The following DSC3 variants were observed in gnomAD, a reference collection of about 807,000 sequenced individuals.
DSC3 encodes the protein desmocollin-3.
A neutral mutation model predicts 89.5 loss-of-function variants in DSC3; 97 were observed. The observed-to-expected ratio is 1.08, with a 90% CI of 0.92 to 1.28. The LOEUF (loss-of-function observed/expected upper bound fraction) is 1.28. Ranked by LOEUF, DSC3 falls within the 50% of genes most tolerant of loss-of-function variation. The pLI, the probability that DSC3 is intolerant of heterozygous loss-of-function variation, is 0.00. For synonymous variants in DSC3, 436 were observed against 384.1 expected (o/e 1.14, Z -1.58); for missense variants, 1,199 against 1,085.3 (o/e 1.10, Z -1.47).
At chr18:31,020,670 C>A (rs1366569117) in intron 7 of DSC3, among the ~76,000 whole-genome samples, 1 of 151,990 alleles carries the variant, frequency 6.6e-6, no homozygotes, top group Admixed American at 6.6e-5. Context: ...TAGTCAGGTG[C>A]CATGGCTCAT....
intron 1 of DSC3, 142 bp from the exon 2 acceptor site, chr18:31,032,418 A>G (rs1358951477): frequency 7.3e-6 from 5 of 685,630 alleles, no homozygotes; most frequent in South Asian, 3.5e-5. Flanking sequence ...ATAGAAAGGA[A>G]TTTGCTCAAT....
rs1984379500 is a variant in DSC3, at chr18:30,994,292, T to C, written c.2574A>G (p.Gly858=). 1 of 1,614,020 alleles carries C rather than the reference T, an allele frequency of 6.2e-7. No individual in the cohort carries two copies. Among genetic ancestry groups the C allele is most frequent in the Admixed American group, 1.7e-5 (1 of 60,006 alleles). ...YVLTYNYEGR[G]SPAGSVGCCS... is the part of the protein sequence containing the mutation. ...AGCAGCCCACAGAACCAGCTGGAGA[T>C]CCTCTTCCCTCATAGTTATAAGTGA... The change falls in exon 16 of 16, where the codon GGA becomes GGG. Residue 858 remains glycine, a synonymous_variant. Transcript: ENST00000360428.
chr18:31,029,670 T>C, intron 3 of DSC3, 42 bp from the exon 4 acceptor site: 5 of 1,611,950 alleles, frequency 3.1e-6, no homozygotes, highest in South Asian at 2.2e-5. Flanking sequence ...AACAAAAGCA[T>C]CACAGTCTAC....
chr18:31,018,025 C>G, intron 9 of DSC3, 46 bp downstream of exon 9: 1 of 1,534,472 alleles, frequency 6.5e-7, no homozygotes, highest in Non-Finnish European at 9.0e-7. Context: ...TATTAGGTAA[C>G]TAAAACCTGT....
At chr18:31,038,669 A>G (rs1359710258) in intron 1 of DSC3, among the ~76,000 whole-genome samples, 3 of 152,074 alleles carry the variant, frequency 2.0e-5, no homozygotes, top group African/African-American at 4.8e-5. Context: ...TTTTTAAAAA[A>G]TGTTCTTCAT....
At chr18:31,040,996 T>C (rs1241410406) in intron 1 of DSC3, among the ~76,000 whole-genome samples, 1 of 122,784 alleles carries the variant, frequency 8.1e-6, no homozygotes, top group African/African-American at 3.5e-5. Flanking sequence ...CTCAACGGAA[T>C]TATTTTAAAA....
At chr18:31,007,237 CTGAT>C (rs768224439) in intron 11 of DSC3, 106 bp from the exon 12 acceptor site, 2 of 753,058 alleles carry the variant, frequency 2.7e-6, no homozygotes, top group Non-Finnish European at 4.4e-6. Flanking sequence ...TTTAAATAAA[CTGAT>C]TATTAAAGGA....
chr18:30,990,767 T>C lies in DSC3; in HGVS notation c.*3408A>G, dbSNP rs1347095863. The C allele has an allele frequency of 1.3e-5, 2 of 152,202 alleles. No individual in the cohort carries two copies. The highest frequency in any genetic ancestry group is 6.5e-5 in the Admixed American group (1 of 15,278). 9.4% of individuals were successfully genotyped at this position (152,202 alleles called of 1,614,324 possible). Reference sequence around the variant, plus strand: ...AACCCCTGTGTCAGTGTACTATTCATGGAATACTCTGCAATTATAACCACC... The same window carrying C: ...AACCCCTGTGTCAGTGTACTATTCACGGAATACTCTGCAATTATAACCACC... On this transcript the variant is annotated 3_prime_UTR_variant, in exon 16 of 16. Transcript: ENST00000360428.
intron 1 of DSC3, among the ~76,000 whole-genome samples, chr18:31,033,884 C>T (rs1436493383): frequency 2.0e-5 from 3 of 152,166 alleles, no homozygotes; most frequent in Non-Finnish European, 4.4e-5. Context: ...AGTGCAGTGG[C>T]ACGATCTAGG....
At chr18:31,007,603 G>C (rs1400428055) in intron 11 of DSC3, among the ~76,000 whole-genome samples, 1 of 152,030 alleles carries the variant, frequency 6.6e-6, no homozygotes, top group Non-Finnish European at 1.5e-5. Context: ...GTGAAGACAA[G>C]GTTGAAAAAC....
Position 30,992,904 on chromosome 18 carries a change from T to C in DSC3, c.*1271A>G, listed in dbSNP as rs1387513891. 2 of 152,206 alleles carry C rather than the reference T, an allele frequency of 1.3e-5. No homozygotes were observed. Among genetic ancestry groups the C allele is most frequent in the Non-Finnish European group, 2.9e-5 (2 of 68,066 alleles). The allele number at this position is 152,206 out of a possible 1,614,324, so 9.4% of individuals were successfully genotyped here. ...GCCCACAAGGCCTGGCTTTCCTTGA[T>C]TCAGGCCAATGCCACTCAGAAGAAG... On this transcript the variant is annotated 3_prime_UTR_variant, in exon 16 of 16. Coordinates refer to ENST00000360428, the MANE Select transcript of DSC3 (RefSeq NM_001941.5).
chr18:31,036,874 C>T (rs996604611), intron 1 of DSC3, among the ~76,000 whole-genome samples: 7 of 139,378 alleles, frequency 5.0e-5, no homozygotes, highest in Admixed American at 4.8e-4. Flanking sequence ...CTCACTGAAA[C>T]ATCTGCCTCC....
chr18:31,032,557 T>A, intron 1 of DSC3, among the ~76,000 whole-genome samples: 1 of 77,816 alleles, frequency 1.3e-5, no homozygotes, highest in East Asian at 3.8e-4. Context: ...TGTGTGTATG[T>A]GTGTGTGTGT....
chr18:31,006,294 A>ATTATTG (rs1984838357), intron 12 of DSC3, among the ~76,000 whole-genome samples: 2 of 151,048 alleles, frequency 1.3e-5, no homozygotes, highest in Admixed American at 1.3e-4. Context: ...CCTCGCTGGT[A>ATTATTG]TTATTATTAT....
chr18:30,996,951 G>A lies in DSC3; in HGVS notation c.2333C>T (p.Thr778Ile), dbSNP rs746851464. The change falls in exon 15 of 16, where the codon ACC (threonine) becomes ATC (isoleucine). Residue 778 changes from threonine to isoleucine, a missense_variant. Physicochemically the swap from Thr to Ile is moderately conservative, Grantham distance 89 (BLOSUM62 -1). Transcript: ENST00000360428. ...GTTTCCTCCTTTCATCATTTCAATG[G>A]TTTCCTGCCCTCCATTTTTCATTCC... is the stretch of plus-strand genomic sequence containing the variant. Reference protein sequence around the residue: ...GSGMKNGGQETIEMMKGGNQT... With the variant: ...GSGMKNGGQEIIEMMKGGNQT... 2 of 1,614,066 alleles carry A rather than the reference G, an allele frequency of 1.2e-6. No homozygotes were observed. Among genetic ancestry groups the A allele is most frequent in the East Asian group, 4.5e-5 (2 of 44,860 alleles).
At chr18:31,024,241 A>G in intron 6 of DSC3, 108 bp downstream of exon 6, 1 of 1,045,732 alleles carries the variant, frequency 9.6e-7, no homozygotes, top group Non-Finnish European at 1.3e-6. Context: ...ATTCTAGTTC[A>G]GCGTTATCTC....
intron 4 of DSC3, among the ~76,000 whole-genome samples, chr18:31,029,178 G>A (rs1403411786): frequency 6.6e-6 from 1 of 152,008 alleles, no homozygotes; most frequent in South Asian, 2.1e-4. Context: ...TCTCCTTCAC[G>A]AGGCCAATAA....
At position 31,025,793 on chromosome 18, in the gene DSC3, C is replaced by T; in HGVS notation, c.597G>A (p.Arg199=). The change falls in exon 5 of 16, where the codon CGG becomes CGA. Residue 199 remains arginine (R), a synonymous_variant. Coordinates refer to ENST00000360428, the MANE Select transcript of DSC3 (RefSeq NM_001941.5). ...ERDTGNLFCT[R]PVDREEYDVF... is the part of the protein sequence containing the mutation. ...CATCATATTCTTCACGATCCACAGGCCGAGTGCAAAATAGATTTCCAGTGT... is the reference window on the plus strand; with the variant it reads ...CATCATATTCTTCACGATCCACAGGTCGAGTGCAAAATAGATTTCCAGTGT... 3 of 1,613,178 alleles carry T rather than the reference C, an allele frequency of 1.9e-6. No individual in the cohort carries two copies. Among genetic ancestry groups the T allele is most frequent in the South Asian group, 1.1e-5 (1 of 91,058 alleles).
In DSC3 at chr18:30,992,391, T is replaced by A. The variant is rs1457119404; in HGVS notation, c.*1784A>T. 1.3e-5 allele frequency: 2 copies of A among 152,236 alleles called. No homozygotes were observed. Among genetic ancestry groups the A allele is most frequent in the African/African-American group, 4.8e-5 (2 of 41,456 alleles). 9.4% of individuals were successfully genotyped at this position (152,236 alleles called of 1,614,324 possible). ...AACCAGTTCAGGCTCATCCTGCAAA[T>A]GCCTTCAGACTCATCATGCAGTCAG... On this transcript the variant is annotated 3_prime_UTR_variant, in exon 16 of 16. Coordinates refer to ENST00000360428, the MANE Select transcript of DSC3 (RefSeq NM_001941.5).
Sources: gnomAD v4.1 joint callset for allele counts (sites outside exome capture counted in the v4.1 genomes callset) on GRCh38, gnomAD v4.1.1 for gene constraint, MANE v1.5 for transcripts, NCBI Gene and HGNC (gene_info 2026-07-23, HGNC 2026-07-21) for gene names.